The following INTS4 variants were observed in gnomAD, a reference collection of about 807,000 sequenced individuals.
INTS4 encodes integrator complex subunit 4.
In INTS4, 70 loss-of-function variants were observed where a neutral mutation model predicts 119.5. The observed-to-expected ratio is 0.59, with a 90% CI of 0.48 to 0.71. The LOEUF (loss-of-function observed/expected upper bound fraction) is 0.71, where lower values mean the gene tolerates loss of function less well. Among genes scored for constraint, INTS4 ranks in the 30% least tolerant of loss-of-function variants. The probability of loss-of-function intolerance (pLI) is 0.00; values close to 1 mark genes in which losing one functional copy is unlikely to be tolerated. For synonymous variants in INTS4, 316 were observed against 419.6 expected, an observed-to-expected ratio of 0.75 and a Z score of 3.02; for missense variants, 867 against 1,173.2, an observed-to-expected ratio of 0.74 and a Z score of 3.81.
chr11:77,968,035 A>G (rs1855569872), intron 4 of INTS4, among the ~76,000 whole-genome samples: 1 of 152,210 alleles, frequency 6.6e-6, no homozygotes, highest in African/African-American at 2.4e-5. Context: ...AAACCTGTAC[A>G]ACATGTTACT....
intron 9 of INTS4, among the ~76,000 whole-genome samples, chr11:77,940,372 A>G (rs570456200): frequency 4.1e-4 from 63 of 152,306 alleles, no homozygotes; most frequent in Non-Finnish European, 7.8e-4. Context: ...TCAAAGTTGC[A>G]TTGAGTAATG....
chr11:77,883,097 A>AATAATC (rs1951856422), intron 22 of INTS4, among the ~76,000 whole-genome samples: 1 of 151,700 alleles, frequency 6.6e-6, no homozygotes, highest in East Asian at 1.9e-4. Context: ...TAATAATAAT[A>AATAATC]ATAGCCTTAT....
intron 10 of INTS4, among the ~76,000 whole-genome samples, chr11:77,935,433 C>A (rs780435928): frequency 6.6e-6 from 1 of 152,148 alleles, no homozygotes; most frequent in Admixed American, 6.5e-5. Flanking sequence ...GAGAACTACA[C>A]AGAGAGACAG....
intron 19 of INTS4, among the ~76,000 whole-genome samples, chr11:77,892,142 C>T (rs1952300233): frequency 6.6e-6 from 1 of 152,160 alleles, no homozygotes; most frequent in Admixed American, 6.5e-5. Context: ...ATTATAGATT[C>T]ATTAATTATT....
chr11:77,945,727 A>G lies in INTS4; in HGVS notation c.919-4476T>C, dbSNP rs563072472. On this transcript the variant is annotated intron_variant, in intron 8 of 22. Transcript: ENST00000534064. ...AAAAAGCCAATCCTGCGGCAGCCCC[A>G]CTCCCTCACAACCCATCACAGAACC... Among the ~76,000 whole-genome samples the G allele has an allele frequency of 9.9e-5, 15 of 151,906 alleles. No homozygotes were observed. In the East Asian group the frequency reaches 2.9e-3, roughly 29 times the overall value.
At chr11:77,928,618 T>C (rs1591067946) in intron 10 of INTS4, 71 bp from the exon 11 acceptor site, 2 of 1,534,910 alleles carry the variant, frequency 1.3e-6, no homozygotes, top group Non-Finnish European at 8.8e-7. Flanking sequence ...TCCCAGCACT[T>C]TGGGAGGCCA....
chr11:77,965,951 G>A (rs775127044), intron 4 of INTS4, among the ~76,000 whole-genome samples: 38 of 152,156 alleles, frequency 2.5e-4, no homozygotes, highest in African/African-American at 8.0e-4. Flanking sequence ...AACAGTGTAC[G>A]AGGGTTTCCT....
At chr11:77,988,050 T>A (rs1463988524) in intron 2 of INTS4, among the ~76,000 whole-genome samples, 1 of 151,640 alleles carries the variant, frequency 6.6e-6, no homozygotes, top group East Asian at 1.9e-4. Flanking sequence ...TAGATACGAT[T>A]TTTTAAAAAA....
In INTS4 at chr11:77,906,171, T is replaced by C. The variant is rs572404625; in HGVS notation, c.2016+1546A>G. On this transcript the variant is annotated intron_variant, in intron 16 of 22. Coordinates refer to ENST00000534064, the MANE Select transcript of INTS4 (RefSeq NM_033547.4). Reference sequence around the variant, plus strand: ...TTTAGGACTATGATGTTCTGGACTATCTTTTGGGATTATGATTGGCTCCCC... The same window carrying C: ...TTTAGGACTATGATGTTCTGGACTACCTTTTGGGATTATGATTGGCTCCCC... Among the ~76,000 whole-genome samples the C allele has an allele frequency of 7.9e-5, 12 of 152,310 alleles. No individual in the cohort carries two copies. In the South Asian group the frequency reaches 2.5e-3, roughly 32 times the overall value.
chr11:77,930,097 T>A (rs937768697), intron 10 of INTS4, among the ~76,000 whole-genome samples: 1 of 152,188 alleles, frequency 6.6e-6, no homozygotes, highest in African/African-American at 2.4e-5. Context: ...GATACAAAGA[T>A]GAGAAATGAG....
intron 8 of INTS4, among the ~76,000 whole-genome samples, chr11:77,952,060 TTGG>T (rs1954210207): frequency 6.6e-6 from 1 of 152,222 alleles, no homozygotes; most frequent in African/African-American, 2.4e-5. Flanking sequence ...TTTTACACTG[TTGG>T]TGGGACTGTA....
At chr11:77,886,513 C>T (rs1250499882) in intron 21 of INTS4, among the ~76,000 whole-genome samples, 1 of 152,176 alleles carries the variant, frequency 6.6e-6, no homozygotes, top group Non-Finnish European at 1.5e-5. Flanking sequence ...CAATGAAGCA[C>T]GGGTAAACGG....
chr11:77,949,129 A>T (rs1407835868), intron 8 of INTS4, among the ~76,000 whole-genome samples: 1 of 152,186 alleles, frequency 6.6e-6, no homozygotes, highest in African/African-American at 2.4e-5. Flanking sequence ...AGAAGAAAAT[A>T]AAAAAAGAAT....
chr11:77,915,557 G>C (rs565650960), intron 15 of INTS4, among the ~76,000 whole-genome samples: 1 of 152,238 alleles, frequency 6.6e-6, no homozygotes, highest in East Asian at 1.9e-4. Flanking sequence ...TCCCAGGGGA[G>C]CCCAGGACAC....
chr11:77,881,215 T>C (rs1008433108), intron 22 of INTS4, among the ~76,000 whole-genome samples: 13 of 152,192 alleles, frequency 8.5e-5, no homozygotes, highest in African/African-American at 3.1e-4. Context: ...ATTCTCATCT[T>C]AATGAGACAG....
rs193069058 is a variant in INTS4, at chr11:77,911,052, G to A, written c.1923-3242C>T. ...GTTTCACAGTAGCCTGGAAAAAACC[G>A]TCCACTGGACTATGACACTTCCTCC... On this transcript the variant is annotated intron_variant, in intron 15 of 22. Coordinates refer to ENST00000534064, the MANE Select transcript of INTS4 (RefSeq NM_033547.4). 113 of 1,288,696 alleles carry A rather than the reference G, an allele frequency of 8.8e-5. No homozygotes were observed. The East Asian group carries it at 4.1e-3, about 47-fold the overall frequency. 79.8% of individuals were successfully genotyped at this position (1,288,696 alleles called of 1,614,324 possible).
chr11:77,898,126 T>C (rs1420742575), intron 18 of INTS4, among the ~76,000 whole-genome samples: 2 of 151,604 alleles, frequency 1.3e-5, no homozygotes, highest in Non-Finnish European at 2.9e-5. Flanking sequence ...CAAATTGTTA[T>C]TATTATTTTT....
At chr11:77,989,832 G>A (rs371447743) in intron 2 of INTS4, among the ~76,000 whole-genome samples, 1 of 152,108 alleles carries the variant, frequency 6.6e-6, no homozygotes, top group Non-Finnish European at 1.5e-5. Flanking sequence ...CTCGGAGGTC[G>A]AGGGTACAGT....
At chr11:77,950,051 G>A (rs544421296) in intron 8 of INTS4, among the ~76,000 whole-genome samples, 1 of 152,316 alleles carries the variant, frequency 6.6e-6, no homozygotes, top group South Asian at 2.1e-4. Flanking sequence ...AAAAGGATGA[G>A]TTCATGTTCT....
Sources: gnomAD v4.1 joint callset for allele counts (sites outside exome capture counted in the v4.1 genomes callset) on GRCh38, gnomAD v4.1.1 for gene constraint, MANE v1.5 for transcripts, NCBI Gene and HGNC (gene_info 2026-07-23, HGNC 2026-07-21) for gene names.